Variants in ARHGAP40 observed in about 807,000 individuals in gnomAD.
ARHGAP40 encodes rho GTPase-activating protein 40.
In ARHGAP40, 43 loss-of-function variants were observed where a neutral mutation model predicts 73.5. The ratio of observed to expected loss-of-function variants is 0.58; its 90% confidence interval spans 0.46 to 0.75. The LOEUF (loss-of-function observed/expected upper bound fraction) is 0.75, where lower values mean the gene tolerates loss of function less well. Ranked by LOEUF, ARHGAP40 falls within the 30% of genes least tolerant of loss-of-function variation. ARHGAP40 has a pLI of 0.00. For missense variants in ARHGAP40, 734 were observed against 861.8 expected, an observed-to-expected ratio of 0.85 and a Z score of 1.86; for synonymous variants, 300 against 352.8, an observed-to-expected ratio of 0.85 and a Z score of 1.68.
chr20:38,619,667 G>A (rs1281550235), intron 1 of ARHGAP40, among the ~76,000 whole-genome samples: 1 of 145,366 alleles, frequency 6.9e-6, no homozygotes, highest in Non-Finnish European at 1.5e-5. Flanking sequence ...CTTTCAACCT[G>A]GGTTCGTATC....
chr20:38,629,228 C>A (rs1479781581), intron 4 of ARHGAP40, among the ~76,000 whole-genome samples: 1 of 152,188 alleles, frequency 6.6e-6, no homozygotes, highest in East Asian at 1.9e-4. Flanking sequence ...AAATTCTCTT[C>A]CTGGGCAATT....
At chr20:38,647,366 A>T in intron 13 of ARHGAP40, among the ~76,000 whole-genome samples, 1 of 130,452 alleles carries the variant, frequency 7.7e-6, no homozygotes, top group Non-Finnish European at 1.6e-5. Context: ...ACCAGGCACC[A>T]TGTTTTTCTG....
At chr20:38,628,986 C>T (rs1367750132) in exon 4 of ARHGAP40, 8 of 1,304,828 alleles carry the variant, frequency 6.1e-6, no homozygotes, top group Non-Finnish European at 8.1e-6. Context: ...GTTCCGGGGC[C>T]TCTAAGTTTC....
At chr20:38,650,244 T>C in exon 15 of ARHGAP40, 1 of 422,968 alleles carries the variant, frequency 2.4e-6, no homozygotes, top group South Asian at 1.8e-5. Context: ...CTTGGGGCGC[T>C]TGGATCTCCA....
intron 1 of ARHGAP40, chr20:38,615,249 C>A (rs773644465): frequency 1.3e-6 from 1 of 769,954 alleles, no homozygotes; most frequent in Admixed American, 1.7e-5. Flanking sequence ...CATTCATGAT[C>A]CCTCATCTTC....
At chr20:38,624,030 G>A (rs573412184) in intron 2 of ARHGAP40, among the ~76,000 whole-genome samples, 18 of 152,316 alleles carry the variant, frequency 1.2e-4, no homozygotes, top group African/African-American at 4.1e-4. Flanking sequence ...AAGCTTAGAA[G>A]CATAATGCAG....
At chr20:38,639,102 C>A in intron 8 of ARHGAP40, 125 bp from the exon 9 acceptor site, 2 of 1,038,388 alleles carry the variant, frequency 1.9e-6, no homozygotes, top group Non-Finnish European at 2.6e-6. Flanking sequence ...TACTTCAACC[C>A]CACGAGGGAG....
intron 6 of ARHGAP40, among the ~76,000 whole-genome samples, chr20:38,635,629 C>T (rs2088970177): frequency 6.6e-6 from 1 of 152,178 alleles, no homozygotes; most frequent in Non-Finnish European, 1.5e-5. Context: ...TGCCACTGCA[C>T]TCCAGCCTGG....
At chr20:38,612,649 G>A (rs1278769814) in intron 1 of ARHGAP40, among the ~76,000 whole-genome samples, 5 of 151,950 alleles carry the variant, frequency 3.3e-5, no homozygotes, top group East Asian at 1.9e-4. Context: ...CAACCTGGGC[G>A]AAAGAGTGGG....
At chr20:38,623,107 G>T (rs1406145289) in intron 1 of ARHGAP40, among the ~76,000 whole-genome samples, 4 of 152,152 alleles carry the variant, frequency 2.6e-5, no homozygotes, top group Non-Finnish European at 2.9e-5. Flanking sequence ...TGTTAGCCTT[G>T]ACCAAGAAGG....
At chr20:38,605,410 G>C (rs1404324236) in intron 1 of ARHGAP40, among the ~76,000 whole-genome samples, 1 of 152,158 alleles carries the variant, frequency 6.6e-6, no homozygotes, top group Non-Finnish European at 1.5e-5. Context: ...GATGAATAGA[G>C]TCAATGTTGT....
At chr20:38,649,087 C>T (rs941402148) in intron 14 of ARHGAP40, among the ~76,000 whole-genome samples, 4 of 152,206 alleles carry the variant, frequency 2.6e-5, no homozygotes, top group Admixed American at 2.0e-4. Flanking sequence ...ATATCCAGCT[C>T]TGGGAGTTCC....
intron 1 of ARHGAP40, among the ~76,000 whole-genome samples, chr20:38,619,943 G>A (rs992987148): frequency 1.3e-5 from 2 of 152,108 alleles, no homozygotes; most frequent in Non-Finnish European, 2.9e-5. Flanking sequence ...ATGGTGGCAT[G>A]TGCCTATAAT....
intron 3 of ARHGAP40, 78 bp from the exon 4 acceptor site, chr20:38,628,849 G>A (rs2088919143): frequency 1.9e-6 from 2 of 1,058,274 alleles, no homozygotes; most frequent in East Asian, 6.5e-5. Context: ...GGTTGTGGGT[G>A]GCTTCTGTCT....
At chr20:38,620,582 G>T (rs896149835) in intron 1 of ARHGAP40, among the ~76,000 whole-genome samples, 4 of 152,222 alleles carry the variant, frequency 2.6e-5, no homozygotes, top group African/African-American at 9.6e-5. Flanking sequence ...CCAAAGAAAC[G>T]GAGCTGTGCC....
intron 1 of ARHGAP40, among the ~76,000 whole-genome samples, chr20:38,620,615 A>T (rs1214868801): frequency 1.3e-5 from 2 of 152,254 alleles, no homozygotes; most frequent in Non-Finnish European, 2.9e-5. Context: ...TGCCAAACAG[A>T]TTCGCAGGAG....
At chr20:38,640,460 G>A (rs112719327) in intron 9 of ARHGAP40, among the ~76,000 whole-genome samples, 4,089 of 152,144 alleles carry the variant, frequency 0.027, 98 homozygotes, top group East Asian at 0.088. Context: ...GGCCTCAAGC[G>A]ATCCTCCCAC....
intron 10 of ARHGAP40, among the ~76,000 whole-genome samples, chr20:38,642,759 T>A (rs1013600625): frequency 7.9e-5 from 12 of 152,102 alleles, no homozygotes; most frequent in African/African-American, 2.7e-4. Flanking sequence ...CCTCCCTTCT[T>A]CACTCCGTCC....
At chr20:38,625,439 A>G (rs1314445950) in intron 2 of ARHGAP40, among the ~76,000 whole-genome samples, 1 of 151,932 alleles carries the variant, frequency 6.6e-6, no homozygotes, top group Non-Finnish European at 1.5e-5. Flanking sequence ...TAATTTTTGA[A>G]ACGGAGTTTC....
Sources: allele counts gnomAD v4.1 joint callset (sites outside exome capture counted in the v4.1 genomes callset), GRCh38; gene constraint gnomAD v4.1.1; transcripts MANE v1.5; gene names NCBI Gene and HGNC (gene_info 2026-07-23, HGNC 2026-07-21).